The following PDE1A variants were observed in gnomAD, a reference collection of about 807,000 sequenced individuals.
PDE1A encodes the protein phosphodiesterase 1A, also known as dual specificity calcium/calmodulin-dependent 3',5'-cyclic nucleotide phosphodiesterase 1A.
PDE1A carries 35 observed loss-of-function variants against 61.7 expected under a neutral mutation model. That is an observed-to-expected ratio of 0.57 (90% CI 0.43 to 0.75). PDE1A has a LOEUF of 0.75. Ranked by LOEUF, PDE1A falls within the 30% of genes least tolerant of loss-of-function variation. The pLI is 0.00. For missense variants in PDE1A, 597 were observed against 630.6 expected, an observed-to-expected ratio of 0.95 and a Z score of 0.57; for synonymous variants, 232 against 213.2, an observed-to-expected ratio of 1.09 and a Z score of -0.77.
At chr2:182,374,190 A>C (rs1411406644) in intron 1 of PDE1A, among the ~76,000 whole-genome samples, 1 of 152,136 alleles carries the variant, frequency 6.6e-6, no homozygotes, top group Admixed American at 6.5e-5. Context: ...TTATATGTAC[A>C]TTCATGGGTC....
chr2:182,468,173 G>A (rs920653118), intron 2 of PDE1A, among the ~76,000 whole-genome samples: 1 of 151,868 alleles, frequency 6.6e-6, no homozygotes, highest in Non-Finnish European at 1.5e-5. Context: ...TGCATCAATG[G>A]ACTCCTCTTT....
chr2:182,211,129 C>G (rs781092319), intron 7 of PDE1A, among the ~76,000 whole-genome samples: 12 of 152,134 alleles, frequency 7.9e-5, no homozygotes, highest in Non-Finnish European at 1.5e-4. Flanking sequence ...ACCTTCCAAC[C>G]CTGTCACATT....
At chr2:182,324,791 G>C (rs2124878315) in intron 1 of PDE1A, among the ~76,000 whole-genome samples, 1 of 152,186 alleles carries the variant, frequency 6.6e-6, no homozygotes, top group East Asian at 1.9e-4. Context: ...ACAGTTGACT[G>C]CCCTCAATGC....
At chr2:182,357,071 A>C (rs1425453917) in intron 1 of PDE1A, among the ~76,000 whole-genome samples, 1 of 152,052 alleles carries the variant, frequency 6.6e-6, no homozygotes, top group Non-Finnish European at 1.5e-5. Context: ...TAGGAGATAT[A>C]CCTAATGTAA....
intron 2 of PDE1A, among the ~76,000 whole-genome samples, chr2:182,249,810 T>C (rs1691266652): frequency 6.6e-6 from 1 of 151,558 alleles, no homozygotes; most frequent in African/African-American, 2.4e-5. Context: ...TCAGAACTGT[T>C]TGAGGATCGA....
At chr2:182,499,170 C>CTTTTT (rs1688924862) in intron 2 of PDE1A, among the ~76,000 whole-genome samples, 3 of 53,750 alleles carry the variant, frequency 5.6e-5, no homozygotes, top group African/African-American at 2.8e-4. Context: ...TTCTCTTTTT[C>CTTTTT]TTGTTTTTTT....
intron 1 of PDE1A, among the ~76,000 whole-genome samples, chr2:182,367,774 AT>A (rs1343018202): frequency 1.3e-5 from 2 of 152,136 alleles, no homozygotes; most frequent in Admixed American, 1.3e-4. Context: ...TTAATATATA[AT>A]TTTTAAAGTC....
At chr2:182,238,265 T>G (rs1250465012) in intron 3 of PDE1A, among the ~76,000 whole-genome samples, 2 of 18,498 alleles carry the variant, frequency 1.1e-4, no homozygotes, top group African/African-American at 9.5e-4. Flanking sequence ...CCAGACTACG[T>G]CAAAAAAAAA....
At chr2:182,536,125 G>A in the PDE1A span, among the ~76,000 whole-genome samples, 1 of 152,174 alleles carries the variant, frequency 6.6e-6, no homozygotes, top group South Asian at 2.1e-4. Context: ...CTGTGCACAT[G>A]AGCAGATTAC....
At chr2:182,547,186 T>C in the PDE1A span, among the ~76,000 whole-genome samples, 1 of 152,174 alleles carries the variant, frequency 6.6e-6, no homozygotes, top group African/African-American at 2.4e-5. Context: ...ATTTGCAAAA[T>C]ACAAAAAGAG....
chr2:182,576,319 T>A, the PDE1A span, among the ~76,000 whole-genome samples: 1 of 152,304 alleles, frequency 6.6e-6, no homozygotes, highest in East Asian at 1.9e-4. Context: ...GGCACCATAT[T>A]TGTCTTTTTA....
At chr2:182,426,187 G>A (rs1389574814) in intron 1 of PDE1A, among the ~76,000 whole-genome samples, 2 of 152,190 alleles carry the variant, frequency 1.3e-5, no homozygotes, top group Non-Finnish European at 2.9e-5. Flanking sequence ...ACTCCAGAAA[G>A]GTGTAGTATT....
At chr2:182,234,935 A>G (rs1559230883) in intron 3 of PDE1A, among the ~76,000 whole-genome samples, 1 of 152,322 alleles carries the variant, frequency 6.6e-6, no homozygotes, top group South Asian at 2.1e-4. Flanking sequence ...TTAAAATTAT[A>G]GAGGGGGATA....
At chr2:182,180,785 T>G (rs1684694449) in intron 13 of PDE1A, among the ~76,000 whole-genome samples, 1 of 152,014 alleles carries the variant, frequency 6.6e-6, no homozygotes. Flanking sequence ...TGTTCATTCC[T>G]TTTCATTATT....
At chr2:182,556,357 G>T in the PDE1A span, among the ~76,000 whole-genome samples, 1 of 152,148 alleles carries the variant, frequency 6.6e-6, no homozygotes, top group African/African-American at 2.4e-5. Context: ...AGGCAGCCAG[G>T]ATATCGTGAC....
chr2:182,531,979 T>C, the PDE1A span, among the ~76,000 whole-genome samples: 1 of 152,190 alleles, frequency 6.6e-6, no homozygotes, highest in Non-Finnish European at 1.5e-5. Context: ...GACAGTTTGC[T>C]AAAAATAATG....
In PDE1A at chr2:182,383,322, A is replaced by G. The variant is rs77215729; in HGVS notation, c.53+43256T>C. Reference sequence around the variant, plus strand: ...ATCTGTGCTGAGTTTTTGCTTTTCCATTTTATATATTTCCATCATCTCAAA... The same window carrying G: ...ATCTGTGCTGAGTTTTTGCTTTTCCGTTTTATATATTTCCATCATCTCAAA... On this transcript the variant is annotated intron_variant, in intron 1 of 13. Coordinates refer to ENST00000351439, the Ensembl canonical transcript of PDE1A. Among the ~76,000 whole-genome samples the G allele has an allele frequency of 3.9e-3, 597 of 152,118 alleles. 2 individuals carry two copies. The highest frequency in any genetic ancestry group is 0.014 in the African/African-American group (565 of 41,492).
At chr2:182,386,329 C>T (rs1160821697) in intron 1 of PDE1A, among the ~76,000 whole-genome samples, 4 of 151,622 alleles carry the variant, frequency 2.6e-5, no homozygotes, top group Non-Finnish European at 5.9e-5. Flanking sequence ...TGAGGATCCC[C>T]TCTGCCCGGC....
chr2:182,608,609 C>G, the PDE1A span, among the ~76,000 whole-genome samples: 4 of 152,218 alleles, frequency 2.6e-5, no homozygotes, highest in African/African-American at 9.6e-5. Context: ...CTGCTGTGCT[C>G]GATTTCTCGC....
Sources: gnomAD v4.1 joint callset for allele counts (sites outside exome capture counted in the v4.1 genomes callset) on GRCh38, gnomAD v4.1.1 for gene constraint, MANE v1.5 for transcripts, NCBI Gene and HGNC (gene_info 2026-07-23, HGNC 2026-07-21) for gene names.